MCPH1: variants seen among roughly 807,000 people sequenced by gnomAD.
The protein encoded by MCPH1 is microcephalin 1, also known as microcephalin.
In MCPH1, 104 loss-of-function variants were observed where a neutral mutation model predicts 84.5. The observed-to-expected ratio is 1.23, with a 90% confidence interval of 1.05 to 1.45. The LOEUF is 1.45. Ranked by LOEUF, MCPH1 falls within the 40% of genes most tolerant of loss-of-function variation. The pLI, the probability that MCPH1 is intolerant of heterozygous loss-of-function variation, is 0.00. For synonymous variants in MCPH1, 514 were observed against 366.8 expected (o/e 1.40, Z -4.58); for missense variants, 1,498 against 1,005.7 (o/e 1.49, Z -6.62).
intron 12 of MCPH1, among the ~76,000 whole-genome samples, chr8:6,594,527 G>C (rs1828771729): frequency 6.6e-6 from 1 of 152,260 alleles, no homozygotes; most frequent in African/African-American, 2.4e-5. Context: ...TTCTGAAACA[G>C]TGAAGGAATT....
In MCPH1 at chr8:6,465,972, C is replaced by CATCT. The variant is rs778018156; in HGVS notation, c.1935+10720_1935+10721insATCT. 6.1e-4 allele frequency among the ~76,000 whole-genome samples: 92 copies of CATCT among 151,616 alleles called. 1 individual carries two copies. The highest frequency in any genetic ancestry group is 2.2e-3 in the African/African-American group (90 of 41,256). ...GCATCCATCCATCCATCCATCCATCCGATACAGAGCCTCGCTCTGTCGCCC... is the reference window on the plus strand; with the variant it reads ...GCATCCATCCATCCATCCATCCATCCATCTGATACAGAGCCTCGCTCTGTCGCCC... On this transcript the variant is annotated intron_variant, in intron 9 of 13. Transcript: ENST00000344683.
At chr8:6,416,918 T>A (rs1175421130) in intron 3 of MCPH1, among the ~76,000 whole-genome samples, 2 of 151,800 alleles carry the variant, frequency 1.3e-5, no homozygotes, top group East Asian at 3.9e-4. Context: ...CACTTGAACC[T>A]GGGAGACGGA....
At chr8:6,495,171 T>G (rs950890426) in intron 11 of MCPH1, among the ~76,000 whole-genome samples, 7 of 152,180 alleles carry the variant, frequency 4.6e-5, no homozygotes, top group Non-Finnish European at 1.0e-4. Flanking sequence ...CCCTATTATT[T>G]TGTTGTTAAA....
intron 3 of MCPH1, among the ~76,000 whole-genome samples, chr8:6,425,611 A>G (rs576448866): frequency 1.3e-5 from 2 of 152,316 alleles, no homozygotes; most frequent in African/African-American, 4.8e-5. Context: ...GCTTCTCCCA[A>G]AGGAACAGAA....
intron 9 of MCPH1, among the ~76,000 whole-genome samples, chr8:6,474,895 T>C (rs1254153145): frequency 6.6e-6 from 1 of 152,236 alleles, no homozygotes; most frequent in East Asian, 1.9e-4. Context: ...CTATTTTTAT[T>C]AAACCCCAAA....
At chr8:6,412,332 A>G (rs1033867215) in intron 2 of MCPH1, among the ~76,000 whole-genome samples, 9 of 152,240 alleles carry the variant, frequency 5.9e-5, no homozygotes, top group African/African-American at 2.2e-4. Context: ...TGAGTTGACA[A>G]GGTGGTTTGA....
intron 12 of MCPH1, chr8:6,562,573 G>GTT: frequency 1.4e-5 from 1 of 74,000 alleles, no homozygotes. Context: ...TTTTTTTTTG[G>GTT]TTGTTAAAAC....
chr8:6,586,847 C>A (rs947870467), intron 12 of MCPH1, among the ~76,000 whole-genome samples: 32 of 152,160 alleles, frequency 2.1e-4, no homozygotes, highest in African/African-American at 7.5e-4. Flanking sequence ...CACCTGAATC[C>A]TGTCGCTGGC....
At chr8:6,463,270 C>T (rs930356663) in intron 9 of MCPH1, among the ~76,000 whole-genome samples, 10 of 152,180 alleles carry the variant, frequency 6.6e-5, no homozygotes, top group Admixed American at 2.0e-4. Context: ...CTTGGGGGAT[C>T]TGCTTCCTCA....
intron 12 of MCPH1, among the ~76,000 whole-genome samples, chr8:6,580,471 A>G (rs764257238): frequency 2.0e-5 from 3 of 152,186 alleles, no homozygotes; most frequent in Non-Finnish European, 4.4e-5. Context: ...CCTGGCCAAC[A>G]TAGTGAAACC....
chr8:6,513,323 C>T (rs1443232652), intron 12 of MCPH1, among the ~76,000 whole-genome samples: 8 of 149,668 alleles, frequency 5.3e-5, no homozygotes, highest in African/African-American at 1.7e-4. Flanking sequence ...TTTTTTTTTT[C>T]TTTTTCTTTT....
intron 11 of MCPH1, among the ~76,000 whole-genome samples, chr8:6,498,817 G>T (rs1455086238): frequency 6.6e-6 from 1 of 152,072 alleles, no homozygotes; most frequent in Non-Finnish European, 1.5e-5. Context: ...TTGAGGCTGA[G>T]GTCAGCAGAT....
chr8:6,563,634 A>C (rs1332699833), intron 12 of MCPH1, among the ~76,000 whole-genome samples: 2 of 152,264 alleles, frequency 1.3e-5, no homozygotes, highest in Admixed American at 6.5e-5. Context: ...AAAATATTAC[A>C]AATAGGTCAG....
chr8:6,536,631 T>C (rs1381444693), intron 12 of MCPH1, among the ~76,000 whole-genome samples: 1 of 152,126 alleles, frequency 6.6e-6, no homozygotes, highest in African/African-American at 2.4e-5. Context: ...TTTTTAGAGG[T>C]ACAGAAAGAC....
intron 12 of MCPH1, among the ~76,000 whole-genome samples, chr8:6,511,169 T>G (rs939885786): frequency 3.9e-5 from 6 of 152,222 alleles, no homozygotes; most frequent in Non-Finnish European, 8.8e-5. Flanking sequence ...GAGTCTCTGT[T>G]AGAAAGGTTT....
intron 12 of MCPH1, among the ~76,000 whole-genome samples, chr8:6,619,941 T>C (rs183825999): frequency 6.6e-6 from 1 of 152,336 alleles, no homozygotes; most frequent in Non-Finnish European, 1.5e-5. Context: ...AAATGAAAGA[T>C]ACTCTTTCTT....
chr8:6,504,234 C>T (rs1489634963), intron 12 of MCPH1, among the ~76,000 whole-genome samples: 5 of 142,566 alleles, frequency 3.5e-5, no homozygotes, highest in Non-Finnish European at 6.0e-5. Flanking sequence ...AGGAGAATGG[C>T]GTGAACCCGG....
At chr8:6,517,327 A>G (rs572678047) in intron 12 of MCPH1, among the ~76,000 whole-genome samples, 2 of 152,310 alleles carry the variant, frequency 1.3e-5, no homozygotes, top group South Asian at 2.1e-4. Flanking sequence ...TTCAACTCTG[A>G]GGCAATGATT....
chr8:6,641,359 A>G (rs1183973734), intron 13 of MCPH1, among the ~76,000 whole-genome samples: 2 of 152,228 alleles, frequency 1.3e-5, no homozygotes, highest in Non-Finnish European at 2.9e-5. Flanking sequence ...CCACCTACCT[A>G]TGACTCAAAA....
Sources: allele counts gnomAD v4.1 joint callset (sites outside exome capture counted in the v4.1 genomes callset), GRCh38; gene constraint gnomAD v4.1.1; transcripts MANE v1.5; gene names NCBI Gene and HGNC (gene_info 2026-07-23, HGNC 2026-07-21).